NOX4: variants seen among roughly 807,000 people sequenced by gnomAD.
The protein encoded by NOX4 is NADPH oxidase 4.
A neutral mutation model predicts 87.6 loss-of-function variants in NOX4; 69 were observed. That is an observed-to-expected ratio of 0.79 (90% CI 0.65 to 0.96). The LOEUF (loss-of-function observed/expected upper bound fraction) is 0.96, where lower values mean the gene tolerates loss of function less well. Among genes scored for constraint, NOX4 ranks in the 40% least tolerant of loss-of-function variants. The pLI is 0.00. For missense variants in NOX4, 680 were observed against 681.5 expected, an observed-to-expected ratio of 1.00 and a Z score of 0.02; for synonymous variants, 275 against 238.2, an observed-to-expected ratio of 1.15 and a Z score of -1.42.
chr11:89,423,457 C>T (rs317128), intron 7 of NOX4, among the ~76,000 whole-genome samples: 5,819 of 152,156 alleles, frequency 0.038, 390 homozygotes, highest in African/African-American at 0.13. Context: ...GCTTGTAATG[C>T]CACCTTTATT....
upstream of NOX4, among the ~76,000 whole-genome samples, chr11:89,494,915 A>G (rs2135506774): frequency 6.6e-6 from 1 of 152,300 alleles, no homozygotes; most frequent in African/African-American, 2.4e-5. Flanking sequence ...TTATTGGTTC[A>G]AAATCAAGGT....
chr11:89,521,829 G>C, the NOX4 span, among the ~76,000 whole-genome samples: 30 of 151,842 alleles, frequency 2.0e-4, no homozygotes, highest in East Asian at 5.4e-3. Context: ...TTAAACAACT[G>C]AACAAGCAAA....
chr11:89,472,260 T>C (rs1195543382), intron 2 of NOX4, among the ~76,000 whole-genome samples: 1 of 152,176 alleles, frequency 6.6e-6, no homozygotes. Flanking sequence ...CATAATTCAT[T>C]CCAAATGATC....
chr11:89,570,822 T>C, the NOX4 span, among the ~76,000 whole-genome samples: 15 of 152,282 alleles, frequency 9.9e-5, no homozygotes, highest in African/African-American at 3.4e-4. Context: ...CAAGACCCTA[T>C]CTCAAAATTA....
chr11:89,355,029 A>T lies in NOX4; in HGVS notation c.1150T>A (p.Leu384Ile). 1 of 1,596,854 alleles carries T rather than the reference A, an allele frequency of 6.3e-7. No individual in the cohort carries two copies. The highest frequency in any genetic ancestry group is 1.1e-5 in the South Asian group (1 of 90,004). Residue 384 changes from leucine (L) to isoleucine (I), a missense_variant, in exon 13 of 18, where the codon TTA (leucine) becomes ATA (isoleucine). Transcript: ENST00000263317. ...VGDWTERFRD[L>I]LLPPSSQDSE... Reference sequence around the variant, plus strand: ...TCTTGACTAGATGGAGGCAGTAGTAAATCTCGAAATCGTTCTGTCAAAAGA... The same window carrying T: ...TCTTGACTAGATGGAGGCAGTAGTATATCTCGAAATCGTTCTGTCAAAAGA...
At chr11:89,438,118 G>C (rs1944176029) in intron 6 of NOX4, among the ~76,000 whole-genome samples, 1 of 150,384 alleles carries the variant, frequency 6.6e-6, no homozygotes, top group Non-Finnish European at 1.5e-5. Context: ...ACCACTCATG[G>C]GGACCTCTGG....
intron 12 of NOX4, among the ~76,000 whole-genome samples, chr11:89,362,387 T>C (rs1938594910): frequency 6.6e-6 from 1 of 152,050 alleles, no homozygotes; most frequent in Non-Finnish European, 1.5e-5. Flanking sequence ...AACACCTCTG[T>C]GGCATGTGCA....
At chr11:89,493,860 T>C (rs963598323), upstream of NOX4, among the ~76,000 whole-genome samples, 1 of 151,906 alleles carries the variant, frequency 6.6e-6, no homozygotes, top group African/African-American at 2.4e-5. Context: ...AGCAATTCTC[T>C]CACCTCAGCC....
chr11:89,488,404 A>G (rs73537325), intron 2 of NOX4, among the ~76,000 whole-genome samples: 19,317 of 151,868 alleles, frequency 0.13, 1,364 homozygotes, highest in South Asian at 0.21. Flanking sequence ...CATAGTTTAA[A>G]TGTTTTCCAA....
intron 4 of NOX4, 137 bp downstream of exon 4, chr11:89,449,303 C>G (rs1293144691): frequency 6.7e-6 from 4 of 594,806 alleles, no homozygotes; most frequent in Admixed American, 3.3e-5. Flanking sequence ...AGGCAATTAC[C>G]CCAAATTGTC....
At chr11:89,506,321 G>GAA in the NOX4 span, among the ~76,000 whole-genome samples, 1 of 145,550 alleles carries the variant, frequency 6.9e-6, no homozygotes, top group South Asian at 2.2e-4. Context: ...AAGAAAGAAA[G>GAA]AGAAAAAAGG....
the NOX4 span, among the ~76,000 whole-genome samples, chr11:89,588,487 C>A: frequency 5.9e-5 from 9 of 151,914 alleles, no homozygotes; most frequent in Non-Finnish European, 1.2e-4. Context: ...ATAAGTTTCC[C>A]TTGAAACCAT....
intron 7 of NOX4, among the ~76,000 whole-genome samples, chr11:89,428,922 A>C (rs1004727541): frequency 3.9e-5 from 6 of 152,310 alleles, no homozygotes; most frequent in South Asian, 2.1e-4. Context: ...TTCTTCTCAG[A>C]ACCACATCGC....
chr11:89,438,506 TATTA>T (rs1227991565), intron 6 of NOX4, among the ~76,000 whole-genome samples: 3 of 87,528 alleles, frequency 3.4e-5, no homozygotes, highest in African/African-American at 1.8e-4. Flanking sequence ...ACAGCATATA[TATTA>T]TATACTATAT....
At chr11:89,371,539 G>A (rs564435773) in intron 12 of NOX4, among the ~76,000 whole-genome samples, 4 of 151,780 alleles carry the variant, frequency 2.6e-5, no homozygotes, top group Non-Finnish European at 5.9e-5. Flanking sequence ...TTAATCTTAT[G>A]AATTAAATTA....
chr11:89,451,213 T>TA (rs1055560271), intron 3 of NOX4, among the ~76,000 whole-genome samples: 5 of 152,004 alleles, frequency 3.3e-5, no homozygotes, highest in African/African-American at 7.2e-5. Context: ...TAAAGTATAA[T>TA]AAAAAAAGAC....
chr11:89,476,306 A>G (rs531651692), intron 2 of NOX4, among the ~76,000 whole-genome samples: 25 of 152,196 alleles, frequency 1.6e-4, no homozygotes, highest in African/African-American at 6.0e-4. Flanking sequence ...AACTATATAT[A>G]TGTAGCTTTT....
chr11:89,421,864 G>T (rs528561690), intron 8 of NOX4, 38 bp downstream of exon 8: 2 of 1,259,048 alleles, frequency 1.6e-6, no homozygotes, highest in East Asian at 2.6e-5. Context: ...CCATTTTGGG[G>T]CACAAATGGT....
the NOX4 span, among the ~76,000 whole-genome samples, chr11:89,585,457 G>A: frequency 6.6e-6 from 1 of 152,092 alleles, no homozygotes; most frequent in African/African-American, 2.4e-5. Context: ...CTAGAACATG[G>A]TTAAGCAAGC....
Sources: allele counts gnomAD v4.1 joint callset (sites outside exome capture counted in the v4.1 genomes callset), GRCh38; gene constraint gnomAD v4.1.1; transcripts MANE v1.5; gene names NCBI Gene and HGNC (gene_info 2026-07-23, HGNC 2026-07-21).